Variants in NEB observed in about 807,000 individuals in gnomAD.
NEB encodes nemaline myopathy type 2.
A neutral mutation model predicts 952.2 loss-of-function variants in NEB; 512 were observed. That is an observed-to-expected ratio of 0.54 (90% CI 0.50 to 0.58). The LOEUF is 0.58. Ranked by LOEUF, NEB falls within the 20% of genes least tolerant of loss-of-function variation. The probability of loss-of-function intolerance (pLI) is 0.00; values close to 1 mark genes in which losing one functional copy is unlikely to be tolerated. For missense variants in NEB, 8,428 were observed against 9,231.1 expected (o/e 0.91, Z 3.56); for synonymous variants, 2,900 against 3,149.8 (o/e 0.92, Z 2.66).
chr2:151,518,104 C>T (rs1470114528), intron 156 of NEB, among the ~76,000 whole-genome samples: 1 of 152,154 alleles, frequency 6.6e-6, no homozygotes, highest in Non-Finnish European at 1.5e-5. Context: ...CCAGCCCCTG[C>T]CAGTAGCACA....
chr2:151,608,603 C>T lies in NEB; in HGVS notation c.12404G>A (p.Arg4135Lys). ...WMPEGSVEMNRVKVAQDLVNE... is the reference protein window; with the variant it reads ...WMPEGSVEMNKVKVAQDLVNE... ...CACGAGGTCTTGAGCAACCTTCACTCTGTTCATTTCCACTGAGCCTTCTGG... is the reference window on the plus strand; with the variant it reads ...CACGAGGTCTTGAGCAACCTTCACTTTGTTCATTTCCACTGAGCCTTCTGG... The change falls in exon 82 of 182, where the codon AGA (arginine) becomes AAA (lysine). Residue 4135 changes from arginine (R) to lysine (K), a missense_variant. Around this residue, in one of 11 missense-constraint regions of NEB, gnomAD observed 14 missense variants for 46.4 expected, o/e 0.30. Coordinates refer to ENST00000397345, the MANE Select transcript of NEB (RefSeq NM_001164508.2). 1 of 136,768 alleles carries T rather than the reference C, an allele frequency of 7.3e-6. No homozygotes were observed. The highest frequency in any genetic ancestry group is 1.3e-5 in the Non-Finnish European group (1 of 78,186). The allele number at this position is 136,768 out of a possible 1,614,324, so 8.5% of individuals were successfully genotyped here.
rs1319324645 is a variant in NEB at position 151,565,694 on chromosome 2, AAGG to A, written c.18261+19_18261+21del. 8.7e-6 allele frequency: 14 copies of A among 1,600,946 alleles called. No homozygotes were observed. Among genetic ancestry groups the A allele is most frequent in the South Asian group, 2.2e-5 (2 of 89,866 alleles). ...AGGTAGGAGGACAGGCATAGGTTAGAAGGAGAATAGGCTTTGCGTACCTGACTC... is the reference window on the plus strand; with the variant it reads ...AGGTAGGAGGACAGGCATAGGTTAGAAGAATAGGCTTTGCGTACCTGACTC... On this transcript the variant is annotated intron_variant, in intron 115 of 181. Coordinates refer to ENST00000397345, the MANE Select transcript of NEB (RefSeq NM_001164508.2).
intron 13 of NEB, among the ~76,000 whole-genome samples, chr2:151,698,911 C>T (rs1343993361): frequency 1.4e-5 from 2 of 147,320 alleles, no homozygotes; most frequent in South Asian, 2.2e-4. Context: ...GGTACATGTG[C>T]ACATTGTGCA....
rs150886232 is a variant in NEB at position 151,686,758 on chromosome 2, T to C, written c.2637+661A>G. On this transcript the variant is annotated intron_variant, in intron 27 of 181. Transcript: ENST00000397345. ...CTTAAGGGATTCTCTAAACATTTTA[T>C]ACACAATATATACTATAATTTGCAG... Among the ~76,000 whole-genome samples, 157 of 152,310 alleles carry C rather than the reference T, an allele frequency of 1.0e-3. 2 individuals carry two copies. Among genetic ancestry groups the C allele is most frequent in the African/African-American group, 3.4e-3 (142 of 41,574 alleles).
At chr2:151,669,274 C>A in intron 38 of NEB, 143 bp from the exon 39 acceptor site, 1 of 616,538 alleles carries the variant, frequency 1.6e-6, no homozygotes. Context: ...AAGGGAGGGG[C>A]CCTGGTAGAT....
In NEB at chr2:151,650,453, AC is replaced by A. The variant is rs956246571; in HGVS notation, c.7228-75del. ...CTTGATTCAAGTGATTCTATGCATTACAAACAGATGCATTTTAGATTTTCAA... is the reference window on the plus strand; with the variant it reads ...CTTGATTCAAGTGATTCTATGCATTAAAACAGATGCATTTTAGATTTTCAA... On this transcript the variant is annotated intron_variant, in intron 53 of 181. Transcript: ENST00000397345. 4.6e-6 allele frequency: 7 copies of A among 1,517,934 alleles called. No homozygotes were observed. The African/African-American group carries it at 5.5e-5, about 12-fold the overall frequency. The allele number at this position is 1,517,934 out of a possible 1,614,324, so 94.0% of individuals were successfully genotyped here.
chr2:151,668,085 G>A (rs1406035291), intron 39 of NEB, among the ~76,000 whole-genome samples, 174 bp from the exon 40 acceptor site: 1 of 152,084 alleles, frequency 6.6e-6, no homozygotes, highest in East Asian at 1.9e-4. Context: ...TTATTTAAAA[G>A]GATCAGTAAA....
rs975179105 is a variant in NEB, at chr2:151,666,461, A to G, written c.4720-60T>C. On this transcript the variant is annotated intron_variant, in intron 40 of 181. Transcript: ENST00000397345. ...AGCATAGAAGTCTGATATAAACTGA[A>G]TTTATACAACAAATTAAGCAAAAGC... 2.7e-6 allele frequency: 4 copies of G among 1,493,230 alleles called. No individual in the cohort carries two copies. The African/African-American group carries it at 5.6e-5, about 21-fold the overall frequency. The allele number at this position is 1,493,230 out of a possible 1,614,324, so 92.5% of individuals were successfully genotyped here.
At chr2:151,552,944 A>T (rs1219583985) in intron 127 of NEB, among the ~76,000 whole-genome samples, 168 bp from the exon 128 acceptor site, 2 of 152,186 alleles carry the variant, frequency 1.3e-5, no homozygotes, top group African/African-American at 4.8e-5. Flanking sequence ...CAACACTTAT[A>T]TGGGGCTTCT....
intron 36 of NEB, among the ~76,000 whole-genome samples, chr2:151,673,320 T>G (rs2099322817): frequency 1.3e-5 from 2 of 152,058 alleles, no homozygotes; most frequent in African/African-American, 4.8e-5. Context: ...CAAATCCACT[T>G]AAACCCTGCA....
chr2:151,658,752 G>T (rs112489183), intron 47 of NEB, among the ~76,000 whole-genome samples: 14 of 152,100 alleles, frequency 9.2e-5, no homozygotes, highest in African/African-American at 2.9e-4. Context: ...GAAATTCTAG[G>T]ACTCTCATTT....
intron 72 of NEB, among the ~76,000 whole-genome samples, chr2:151,620,393 T>TATATATA (rs2098388397): frequency 3.8e-5 from 3 of 78,998 alleles, no homozygotes; most frequent in Non-Finnish European, 5.4e-5. Flanking sequence ...ATATATATAT[T>TATATATA]TAACCAGAAT....
At chr2:151,679,043 G>A (rs966432534) in intron 32 of NEB, among the ~76,000 whole-genome samples, 1 of 152,174 alleles carries the variant, frequency 6.6e-6, no homozygotes, top group African/African-American at 2.4e-5. Context: ...ACCCGCAGGA[G>A]GAGGGCGCAG....
At chr2:151,725,415 G>T in intron 6 of NEB, 38 bp downstream of exon 6, 1 of 1,531,560 alleles carries the variant, frequency 6.5e-7, no homozygotes, top group South Asian at 1.2e-5. Context: ...GGTGTATTTT[G>T]AAATGTCCCT....
intron 9 of NEB, among the ~76,000 whole-genome samples, chr2:151,718,953 C>T (rs1436993433): frequency 6.6e-6 from 1 of 152,168 alleles, no homozygotes; most frequent in Admixed American, 6.5e-5. Flanking sequence ...TTCACGGCCT[C>T]GTACATGCTG....
chr2:151,536,671 T>G (rs2093264523), intron 141 of NEB, among the ~76,000 whole-genome samples: 1 of 152,210 alleles, frequency 6.6e-6, no homozygotes, highest in Admixed American at 6.5e-5. Context: ...CTATCTGGCA[T>G]TTTTCAGGAA....
Position 151,614,919 on chromosome 2 carries a change from T to C in NEB, c.11290-332A>G, listed in dbSNP as rs377135465. 4.6e-5 allele frequency among the ~76,000 whole-genome samples: 7 copies of C among 152,188 alleles called. No individual in the cohort carries two copies. In the East Asian group the frequency reaches 1.3e-3, roughly 29 times the overall value. On this transcript the variant is annotated intron_variant, in intron 76 of 181. Coordinates refer to ENST00000397345, the MANE Select transcript of NEB (RefSeq NM_001164508.2). The stretch of plus-strand genomic sequence containing the variant: ...ATATATTGTACAATCTGATGGAGCA[T>C]AACAATCTGATGGAAAATAACAGTT...
At chr2:151,501,543 A>C in intron 167 of NEB, 60 bp from the exon 168 acceptor site, 1 of 882,492 alleles carries the variant, frequency 1.1e-6, no homozygotes, top group East Asian at 2.9e-5. Context: ...AGGTAGACTT[A>C]ACCTAAAAAA....
At chr2:151,733,434 C>T (rs1283472966) in intron 2 of NEB, among the ~76,000 whole-genome samples, 5 of 152,156 alleles carry the variant, frequency 3.3e-5, no homozygotes, top group Admixed American at 6.5e-5. Context: ...AATTGTAAAA[C>T]GAAATTGAGG....
Sources: allele counts gnomAD v4.1 joint callset (sites outside exome capture counted in the v4.1 genomes callset), GRCh38; gene constraint gnomAD v4.1.1; regional missense constraint gnomAD v4.1.1; transcripts MANE v1.5; gene names NCBI Gene and HGNC (gene_info 2026-07-23, HGNC 2026-07-21).